The following TLN2 variants were observed in gnomAD, a reference collection of about 807,000 sequenced individuals.
The protein encoded by TLN2 is talin-2.
A neutral mutation model predicts 294.7 loss-of-function variants in TLN2; 118 were observed. The ratio of observed to expected loss-of-function variants is 0.40; its 90% CI spans 0.34 to 0.47. The LOEUF (loss-of-function observed/expected upper bound fraction) is 0.47. TLN2 is among the 20% of genes least tolerant of loss of function. TLN2 has a pLI of 0.84. For synonymous variants in TLN2, 1,431 were observed against 1,304.5 expected, an observed-to-expected ratio of 1.10 and a Z score of -2.09; for missense variants, 3,083 against 3,282.2, an observed-to-expected ratio of 0.94 and a Z score of 1.48.
chr15:62,406,084 C>T (rs1342416868), intron 1 of TLN2, among the ~76,000 whole-genome samples: 1 of 152,136 alleles, frequency 6.6e-6, no homozygotes, highest in African/African-American at 2.4e-5. Context: ...GGGCATTTTT[C>T]TCTTGAATTG....
chr15:62,685,777 A>G (rs1323617956), intron 11 of TLN2, among the ~76,000 whole-genome samples: 1 of 152,224 alleles, frequency 6.6e-6, no homozygotes, highest in Non-Finnish European at 1.5e-5. Flanking sequence ...GTCTATTGCC[A>G]TTACATTCAT....
At position 62,800,737 on chromosome 15, in the gene TLN2, G is replaced by A; in HGVS notation, c.6445G>A (p.Ala2149Thr). 6.2e-7 allele frequency: 1 copy of A among 1,613,324 alleles called. No individual in the cohort carries two copies. The highest frequency in any genetic ancestry group is 8.5e-7 in the Non-Finnish European group (1 of 1,179,672). Residue 2149 changes from alanine to threonine, a missense_variant, in exon 50 of 59, where the codon GCC becomes ACC. Coordinates refer to ENST00000636159, the MANE Select transcript of TLN2 (RefSeq NM_015059.3). ...CACCCGGGGCACCAGGGCGCTTGAG[G>A]CCACAATTGAATGCATAAAGCAGGA... is the stretch of plus-strand genomic sequence containing the variant. ...EATRGTRALE[A>T]TIECIKQELT...
intron 14 of TLN2, among the ~76,000 whole-genome samples, chr15:62,695,525 A>C (rs2058265048): frequency 6.6e-6 from 1 of 152,226 alleles, no homozygotes; most frequent in African/African-American, 2.4e-5. Context: ...GCCAGGACTC[A>C]GATTCAGATC....
At chr15:62,709,212 G>A (rs975091477) in intron 21 of TLN2, among the ~76,000 whole-genome samples, 1 of 152,214 alleles carries the variant, frequency 6.6e-6, no homozygotes, top group African/African-American at 2.4e-5. Flanking sequence ...AGAGCACCGG[G>A]GTGGTCAGGA....
At chr15:62,710,340 G>C (rs1289454259) in intron 21 of TLN2, among the ~76,000 whole-genome samples, 1 of 152,146 alleles carries the variant, frequency 6.6e-6, no homozygotes, top group African/African-American at 2.4e-5. Flanking sequence ...CTAGTAATCT[G>C]TAAGAGATCT....
intron 9 of TLN2, among the ~76,000 whole-genome samples, chr15:62,673,253 T>C (rs1186148672): frequency 6.6e-6 from 1 of 150,874 alleles, no homozygotes; most frequent in Non-Finnish European, 1.5e-5. Context: ...ATTCTTCCTG[T>C]AGTTATGCTG....
intron 12 of TLN2, among the ~76,000 whole-genome samples, chr15:62,689,465 C>G (rs2057587847): frequency 6.6e-6 from 1 of 152,160 alleles, no homozygotes; most frequent in African/African-American, 2.4e-5. Context: ...TTATTTTTAT[C>G]TACCCCATTG....
intron 9 of TLN2, among the ~76,000 whole-genome samples, chr15:62,659,062 G>A (rs1469362444): frequency 6.6e-6 from 1 of 152,112 alleles, no homozygotes; most frequent in African/African-American, 2.4e-5. Context: ...ATGTCTCCCT[G>A]GTAGGAAGGC....
intron 11 of TLN2, among the ~76,000 whole-genome samples, chr15:62,679,083 A>T: frequency 6.6e-6 from 1 of 151,298 alleles, no homozygotes; most frequent in African/African-American, 2.4e-5. Flanking sequence ...ATTCACAAGA[A>T]GCTGTAAAAC....
chr15:62,470,938 A>C (rs900915651), intron 1 of TLN2, among the ~76,000 whole-genome samples: 1 of 152,248 alleles, frequency 6.6e-6, no homozygotes, highest in African/African-American at 2.4e-5. Context: ...GGACATTGCT[A>C]ATTTGTTCTA....
At chr15:62,510,512 C>T (rs2039871916) in intron 1 of TLN2, among the ~76,000 whole-genome samples, 1 of 152,238 alleles carries the variant, frequency 6.6e-6, no homozygotes, top group Non-Finnish European at 1.5e-5. Flanking sequence ...TTGCCCAACA[C>T]ATAGTAAAAC....
intron 1 of TLN2, among the ~76,000 whole-genome samples, chr15:62,460,084 C>T (rs536740178): frequency 2.0e-5 from 3 of 152,266 alleles, no homozygotes; most frequent in Admixed American, 6.5e-5. Flanking sequence ...CAGCCTCAGG[C>T]AGTGACAGTC....
chr15:62,667,735 G>T (rs2054885665), intron 9 of TLN2, among the ~76,000 whole-genome samples: 1 of 152,144 alleles, frequency 6.6e-6, no homozygotes, highest in African/African-American at 2.4e-5. Flanking sequence ...GCTTCCCTGT[G>T]TGCTTGTAAC....
intron 8 of TLN2, among the ~76,000 whole-genome samples, chr15:62,657,304 C>T (rs1331720222): frequency 4.0e-5 from 6 of 151,884 alleles, no homozygotes; most frequent in Admixed American, 2.0e-4. Flanking sequence ...GTGTGCCTAT[C>T]GCCTTTCTTT....
intron 3 of TLN2, among the ~76,000 whole-genome samples, chr15:62,622,420 C>T (rs1282527603): frequency 6.6e-6 from 1 of 152,108 alleles, no homozygotes; most frequent in Non-Finnish European, 1.5e-5. Flanking sequence ...GGGGAATACC[C>T]AGCACCCAAT....
intron 41 of TLN2, among the ~76,000 whole-genome samples, chr15:62,766,889 A>T (rs993668504): frequency 2.6e-5 from 4 of 152,150 alleles, no homozygotes; most frequent in Non-Finnish European, 5.9e-5. Context: ...TCTCTGGATG[A>T]CCAAACCCTC....
intron 42 of TLN2, among the ~76,000 whole-genome samples, chr15:62,775,656 C>T (rs1196546059): frequency 5.3e-5 from 8 of 152,338 alleles, no homozygotes; most frequent in South Asian, 2.1e-4. Context: ...AATCACCCAA[C>T]GAGTTCTCGT....
At chr15:62,450,012 C>T (rs2036011682) in intron 1 of TLN2, among the ~76,000 whole-genome samples, 1 of 152,120 alleles carries the variant, frequency 6.6e-6, no homozygotes, top group African/African-American at 2.4e-5. Flanking sequence ...TCACTCTCTT[C>T]CTCACAAACC....
chr15:62,639,189 TG>T (rs1490733312), intron 3 of TLN2, among the ~76,000 whole-genome samples: 2 of 152,126 alleles, frequency 1.3e-5, no homozygotes, highest in Non-Finnish European at 2.9e-5. Flanking sequence ...GCAGGGGAGA[TG>T]GACTTCTAAT....
Sources: allele counts gnomAD v4.1 joint callset (sites outside exome capture counted in the v4.1 genomes callset), GRCh38; gene constraint gnomAD v4.1.1; transcripts MANE v1.5; gene names NCBI Gene and HGNC (gene_info 2026-07-23, HGNC 2026-07-21).